Variants in SMIM21 observed in about 807,000 individuals in gnomAD.
SMIM21 encodes chromosome 18 open reading frame 62.
In SMIM21, 8 loss-of-function variants were observed where a neutral mutation model predicts 8.6. That is an observed-to-expected ratio of 0.93 (90% CI 0.55 to 1.68). SMIM21 has a LOEUF of 1.68. SMIM21 is among the 40% of genes most tolerant of loss of function. The pLI, the probability that SMIM21 is intolerant of heterozygous loss-of-function variation, is 0.00. For synonymous variants in SMIM21, 43 were observed against 41.7 expected (o/e 1.03, Z -0.12); for missense variants, 132 against 123.0 (o/e 1.07, Z -0.35).
At position 75,420,198 on chromosome 18, in the gene SMIM21, A is replaced by C. The variant is rs573768586; in HGVS notation, c.130-1282T>G. ...AGGTACTTAGCCACCCTTCTGTTTC[A>C]AAGCTGGAGCTACTTGGGTTGTATC... On this transcript the variant is annotated intron_variant, in intron 1 of 2. Transcript: ENST00000579022. Among the ~76,000 whole-genome samples, 8 of 152,322 alleles carry C rather than the reference A, an allele frequency of 5.3e-5. No individual in the cohort carries two copies. The South Asian group carries it at 1.7e-3, about 32-fold the overall frequency.
intron 1 of SMIM21, among the ~76,000 whole-genome samples, chr18:75,422,004 T>G (rs1157675037): frequency 6.6e-6 from 1 of 152,102 alleles, no homozygotes; most frequent in Admixed American, 6.5e-5. Context: ...TATGACGTGA[T>G]TGGGGTTGAG....
At chr18:75,412,252 C>T (rs1454777420) in intron 2 of SMIM21, among the ~76,000 whole-genome samples, 1 of 151,984 alleles carries the variant, frequency 6.6e-6, no homozygotes, top group African/African-American at 2.4e-5. Flanking sequence ...TGAGTTTTCA[C>T]AATAGTTGAG....
At chr18:75,419,056 G>C in intron 1 of SMIM21, 140 bp from the exon 2 acceptor site, 1 of 504,048 alleles carries the variant, frequency 2.0e-6, no homozygotes, top group Non-Finnish European at 3.4e-6. Context: ...TGTTTCAGAA[G>C]TAAAACCAGA....
At chr18:75,426,119 T>A (rs185756945) in intron 1 of SMIM21, among the ~76,000 whole-genome samples, 4 of 152,164 alleles carry the variant, frequency 2.6e-5, no homozygotes, top group Non-Finnish European at 5.9e-5. Flanking sequence ...ACCATCATCA[T>A]GTACCTAAGA....
At chr18:75,415,191 G>A (rs1032502958) in intron 2 of SMIM21, among the ~76,000 whole-genome samples, 5 of 152,170 alleles carry the variant, frequency 3.3e-5, no homozygotes, top group African/African-American at 1.2e-4. Context: ...ACTTTCCCAG[G>A]TAAGTCTCCA....
chr18:75,426,110 C>T (rs1054707144), intron 1 of SMIM21, among the ~76,000 whole-genome samples: 1 of 152,020 alleles, frequency 6.6e-6, no homozygotes, highest in Non-Finnish European at 1.5e-5. Flanking sequence ...TAATTCATAA[C>T]CATCATCATG....
Position 75,415,141 on chromosome 18 carries a change from G to A in SMIM21, c.260+3645C>T, listed in dbSNP as rs565932976. ...CTGCACCATGAACACCTCATACAGA[G>A]CTAACAAAAACACCAGAAAGGATTG... On this transcript the variant is annotated intron_variant, in intron 2 of 2. Coordinates refer to ENST00000579022, the MANE Select transcript of SMIM21 (RefSeq NM_001037331.3). Among the ~76,000 whole-genome samples the A allele has an allele frequency of 2.0e-5, 3 of 152,206 alleles. No homozygotes were observed. In the South Asian group the frequency reaches 6.2e-4, roughly 32 times the overall value.
intron 2 of SMIM21, chr18:75,418,333 CAAA>C: frequency 2.5e-6 from 1 of 394,078 alleles, no homozygotes; most frequent in African/African-American, 2.1e-5. Context: ...GAAATAAACT[CAAA>C]GAAGGGCTGA....
In SMIM21 at chr18:75,410,247, GT is replaced by G. The variant is rs1054037425; in HGVS notation, c.*616del. The G allele has an allele frequency of 2.6e-5, 4 of 152,750 alleles. No homozygotes were observed. Among genetic ancestry groups the G allele is most frequent in the South Asian group, 4.1e-4 (2 of 4,822 alleles). 9.5% of individuals were successfully genotyped at this position (152,750 alleles called of 1,614,324 possible). A position where few individuals can be genotyped will look rare whatever the true frequency, so the allele number is the denominator to read the frequency against. On this transcript the variant is annotated 3_prime_UTR_variant, in exon 3 of 3. Transcript: ENST00000579022. ...GGTGCAGTTTTCTACTTGACTGAGG[GT>G]TAGTTCATTAGGTCACAATCAGTAA...
At chr18:75,419,879 A>T (rs912767716) in intron 1 of SMIM21, among the ~76,000 whole-genome samples, 1 of 152,200 alleles carries the variant, frequency 6.6e-6, no homozygotes, top group East Asian at 1.9e-4. Context: ...ACAGGGAAGG[A>T]CAATGCCTCT....
At chr18:75,411,310 G>C (rs1303145752) in intron 2 of SMIM21, among the ~76,000 whole-genome samples, 1 of 152,198 alleles carries the variant, frequency 6.6e-6, no homozygotes, top group Admixed American at 6.5e-5. Context: ...CACCAAAATA[G>C]TAGACCAGTC....
Position 75,427,670 on chromosome 18 carries a change from T to C in SMIM21, c.-107A>G. The C allele has an allele frequency of 1.6e-6, 2 of 1,258,924 alleles. No homozygotes were observed. Among genetic ancestry groups the C allele is most frequent in the South Asian group, 2.1e-5 (1 of 46,972 alleles). The allele number at this position is 1,258,924 out of a possible 1,614,324, so 78.0% of individuals were successfully genotyped here. On this transcript the variant is annotated 5_prime_UTR_variant, in exon 1 of 3. Transcript: ENST00000579022. Reference sequence around the variant, plus strand: ...GGTAACTAAGTTCCCAAGGAGCTTTTCTCTTCTTTGCCAACCTTGAAGATC... The same window carrying C: ...GGTAACTAAGTTCCCAAGGAGCTTTCCTCTTCTTTGCCAACCTTGAAGATC...
chr18:75,413,549 C>G (rs2024604949), intron 2 of SMIM21, among the ~76,000 whole-genome samples: 1 of 152,194 alleles, frequency 6.6e-6, no homozygotes, highest in Admixed American at 6.5e-5. Flanking sequence ...TCCCATTGCT[C>G]TTAGGATATT....
chr18:75,410,889 G>A lies in SMIM21; in HGVS notation c.281C>T (p.Ser94Phe), dbSNP rs2024576592. 6.2e-7 allele frequency: 1 copy of A among 1,614,074 alleles called. No homozygotes were observed. Among genetic ancestry groups the A allele is most frequent in the African/African-American group, 1.3e-5 (1 of 75,026 alleles). The change falls in exon 3 of 3, where the codon TCC (serine) becomes TTC (phenylalanine). Residue 94 changes from serine to phenylalanine, a missense_variant. Ser to Phe is a radical substitution (Grantham distance 155). Coordinates refer to ENST00000579022, the MANE Select transcript of SMIM21 (RefSeq NM_001037331.3). ...TTATTCTGCTTCTGCTGTGTTCCTGGATGACTTCAAACGTAGAAAGCTGCA... is the reference window on the plus strand; with the variant it reads ...TTATTCTGCTTCTGCTGTGTTCCTGAATGACTTCAAACGTAGAAAGCTGCA... ...IFRNFLRLKS[S>F]RNTAEAE
intron 1 of SMIM21, among the ~76,000 whole-genome samples, chr18:75,423,394 G>T (rs147188548): frequency 6.6e-6 from 1 of 152,240 alleles, no homozygotes; most frequent in East Asian, 1.9e-4. Context: ...TGGAAACAGA[G>T]TTAGGAGATA....
rs1292643107 is a variant in SMIM21 at position 75,410,702 on chromosome 18, T to C, written c.*162A>G. The C allele has an allele frequency of 7.0e-7, 1 of 1,434,470 alleles. No individual in the cohort carries two copies. Among genetic ancestry groups the C allele is most frequent in the Non-Finnish European group, 9.1e-7 (1 of 1,098,814 alleles). The allele number at this position is 1,434,470 out of a possible 1,614,324, so 88.9% of individuals were successfully genotyped here. A position where few individuals can be genotyped will look rare whatever the true frequency, so the allele number is the denominator to read the frequency against. ...CTCAAGAACAAAGCAGACATTATCA[T>C]TGCAAAAAGTTACACGTTCTTCATT... is the stretch of plus-strand genomic sequence containing the variant. On this transcript the variant is annotated 3_prime_UTR_variant, in exon 3 of 3. Coordinates refer to ENST00000579022, the MANE Select transcript of SMIM21 (RefSeq NM_001037331.3).
chr18:75,410,717 C>T lies in SMIM21; in HGVS notation c.*147G>A, dbSNP rs567281380. On this transcript the variant is annotated 3_prime_UTR_variant, in exon 3 of 3. Coordinates refer to ENST00000579022, the MANE Select transcript of SMIM21 (RefSeq NM_001037331.3). ...GACATTATCATTGCAAAAAGTTACA[C>T]GTTCTTCATTCTCTCTGTGGAGCTC... 313 of 1,453,446 alleles carry T rather than the reference C, an allele frequency of 2.2e-4. 1 individual carries two copies. In the South Asian group the frequency reaches 3.4e-3, roughly 16 times the overall value. 90.0% of individuals were successfully genotyped at this position (1,453,446 alleles called of 1,614,324 possible).
intron 2 of SMIM21, chr18:75,415,918 A>G (rs2024639052): frequency 6.6e-6 from 1 of 152,216 alleles, no homozygotes; most frequent in African/African-American, 2.4e-5. Flanking sequence ...ATTCCATTTT[A>G]TGAACTTATC....
intron 2 of SMIM21, chr18:75,418,286 A>G: frequency 5.0e-6 from 2 of 397,072 alleles, no homozygotes; most frequent in Non-Finnish European, 4.4e-6. Flanking sequence ...CTGTTGGTAC[A>G]CAGAGACCTT....
Sources: gnomAD v4.1 joint callset for allele counts (sites outside exome capture counted in the v4.1 genomes callset) on GRCh38, gnomAD v4.1.1 for gene constraint, MANE v1.5 for transcripts, NCBI Gene and HGNC (gene_info 2026-07-23, HGNC 2026-07-21) for gene names.